NTM: variants seen among roughly 807,000 people sequenced by gnomAD.
NTM encodes IgLON family member 2.
A neutral mutation model predicts 42.1 loss-of-function variants in NTM; 13 were observed. The ratio of observed to expected loss-of-function variants is 0.31; its 90% confidence interval spans 0.20 to 0.49. NTM has a LOEUF of 0.49. NTM is among the 20% of genes least tolerant of loss of function. The probability of loss-of-function intolerance (pLI) is 0.99; values close to 1 mark genes in which losing one functional copy is unlikely to be tolerated. For synonymous variants in NTM, 187 were observed against 179.2 expected (o/e 1.04, Z -0.35); for missense variants, 373 against 452.8 (o/e 0.82, Z 1.60).
chr11:131,863,220 G>T (rs762178212), intron 1 of NTM, among the ~76,000 whole-genome samples: 23 of 152,202 alleles, frequency 1.5e-4, no homozygotes, highest in Non-Finnish European at 3.2e-4. Flanking sequence ...GGGGGAACTG[G>T]TGAAGCCCTG....
At chr11:132,193,403 C>G (rs1269288594) in intron 3 of NTM, among the ~76,000 whole-genome samples, 1 of 151,742 alleles carries the variant, frequency 6.6e-6, no homozygotes, top group African/African-American at 2.4e-5. Flanking sequence ...TCCTGGATGA[C>G]TTTGGGGAAA....
chr11:131,372,825 G>A (rs1591487526), intron 1 of NTM, among the ~76,000 whole-genome samples: 1 of 151,938 alleles, frequency 6.6e-6, no homozygotes, highest in African/African-American at 2.4e-5. Flanking sequence ...ATGCAGGGAA[G>A]CATAATATTT....
At chr11:131,664,906 A>T (rs1362475994) in intron 1 of NTM, among the ~76,000 whole-genome samples, 2 of 152,044 alleles carry the variant, frequency 1.3e-5, no homozygotes, top group African/African-American at 4.8e-5. Flanking sequence ...AGGGACTAGG[A>T]TCACTTGGCA....
intron 1 of NTM, among the ~76,000 whole-genome samples, chr11:131,649,120 G>C (rs1567080): frequency 0.86 from 130,365 of 152,176 alleles, 55,911 homozygotes; most frequent in East Asian, 0.91. Flanking sequence ...ATAATCACTG[G>C]CACTCAAGCC....
chr11:131,942,836 C>T (rs959455746), intron 2 of NTM, among the ~76,000 whole-genome samples: 10 of 151,874 alleles, frequency 6.6e-5, no homozygotes, highest in Non-Finnish European at 1.0e-4. Context: ...ACCCCAGCTA[C>T]TCGGGAGGCT....
At chr11:131,578,295 C>G (rs2058103262) in intron 1 of NTM, among the ~76,000 whole-genome samples, 1 of 152,122 alleles carries the variant, frequency 6.6e-6, no homozygotes, top group Non-Finnish European at 1.5e-5. Context: ...GCAAATTATT[C>G]AAATATAGGT....
intron 1 of NTM, among the ~76,000 whole-genome samples, chr11:131,828,606 C>T (rs1347264478): frequency 6.6e-6 from 1 of 152,056 alleles, no homozygotes; most frequent in Non-Finnish European, 1.5e-5. Flanking sequence ...ATCACCGCCA[C>T]CTTAACCATC....
chr11:131,536,250 G>A (rs2052195968), intron 1 of NTM: 1 of 152,214 alleles, frequency 6.6e-6, no homozygotes, highest in Non-Finnish European at 1.5e-5. Context: ...AGCCTGCTAT[G>A]TGAATGCTGT....
At chr11:131,476,032 GAAGGAAAA>G (rs1952900052) in intron 1 of NTM, among the ~76,000 whole-genome samples, 2 of 152,044 alleles carry the variant, frequency 1.3e-5, no homozygotes, top group African/African-American at 4.8e-5. Flanking sequence ...AGGAGTGAAG[GAAGGAAAA>G]AAGGAAGAAA....
At position 131,789,491 on chromosome 11, in the gene NTM, AGG is replaced by A. The variant is rs202238449; in HGVS notation, c.83-122072_83-122071del. 3.7e-3 allele frequency among the ~76,000 whole-genome samples: 16 copies of A among 4,330 alleles called. 6 individuals carry two copies. The highest frequency in any genetic ancestry group is 8.3e-3 in the African/African-American group (9 of 1,082). The allele number at this position is 4,330 out of a possible 152,430, so 2.8% of individuals were successfully genotyped here. On this transcript the variant is annotated intron_variant, in intron 1 of 8. Coordinates refer to ENST00000683400, the MANE Select transcript of NTM (RefSeq NM_001352005.2). Reference sequence around the variant, plus strand: ...GAAGAAGAAGAAGAAGAAGAAGAAGAGGAAAGAAGAAGAAGAAGAAGAAGAAG... The same window carrying A: ...GAAGAAGAAGAAGAAGAAGAAGAAGAAAAGAAGAAGAAGAAGAAGAAGAAG...
chr11:132,045,413 A>C (rs1464491130), intron 2 of NTM, among the ~76,000 whole-genome samples: 1 of 152,218 alleles, frequency 6.6e-6, no homozygotes, highest in African/African-American at 2.4e-5. Flanking sequence ...CTCTTTAAAA[A>C]TTAATAACAT....
intron 3 of NTM, among the ~76,000 whole-genome samples, chr11:132,204,450 T>C (rs1320868928): frequency 6.6e-6 from 1 of 152,206 alleles, no homozygotes; most frequent in Non-Finnish European, 1.5e-5. Flanking sequence ...TACATTGTAC[T>C]TAGGAGAGGC....
Position 131,445,664 on chromosome 11 carries a change from C to G in NTM, c.82+74776C>G, listed in dbSNP as rs565195630. 4.6e-5 allele frequency among the ~76,000 whole-genome samples: 7 copies of G among 152,308 alleles called. No individual in the cohort carries two copies. In the South Asian group the frequency reaches 1.5e-3, roughly 32 times the overall value. Reference sequence around the variant, plus strand: ...GTGTAAGTGACCAGGACACATGTGACTTGCTTGTTTTTCCAAATGATGAGC... The same window carrying G: ...GTGTAAGTGACCAGGACACATGTGAGTTGCTTGTTTTTCCAAATGATGAGC... On this transcript the variant is annotated intron_variant, in intron 1 of 8. Transcript: ENST00000683400.
intron 7 of NTM, among the ~76,000 whole-genome samples, chr11:132,316,359 T>A (rs1239080660): frequency 1.3e-5 from 2 of 152,168 alleles, no homozygotes; most frequent in Non-Finnish European, 2.9e-5. Context: ...CATGTAGCAA[T>A]TACAATGTCT....
chr11:132,262,234 T>C (rs1591600780), intron 4 of NTM, among the ~76,000 whole-genome samples: 2 of 152,194 alleles, frequency 1.3e-5, no homozygotes, highest in East Asian at 1.9e-4. Flanking sequence ...AGCTGCCTGA[T>C]TTGTCCCCAA....
chr11:132,110,838 C>T (rs573454659), intron 2 of NTM, among the ~76,000 whole-genome samples: 2 of 151,636 alleles, frequency 1.3e-5, no homozygotes, highest in East Asian at 1.9e-4. Context: ...TGTTCGAGAC[C>T]AGCCTGGGCA....
intron 1 of NTM, among the ~76,000 whole-genome samples, chr11:131,783,867 T>G (rs2088637379): frequency 6.6e-6 from 1 of 152,136 alleles, no homozygotes; most frequent in South Asian, 2.1e-4. Flanking sequence ...TGGAAGACAA[T>G]ATTATCAATG....
chr11:132,035,178 T>C (rs1049064435), intron 2 of NTM, among the ~76,000 whole-genome samples: 4 of 152,212 alleles, frequency 2.6e-5, no homozygotes, highest in African/African-American at 9.7e-5. Flanking sequence ...TTTTAATCTA[T>C]AAGAAGCTGT....
At chr11:132,260,681 A>T (rs1011725204) in intron 4 of NTM, among the ~76,000 whole-genome samples, 1 of 152,218 alleles carries the variant, frequency 6.6e-6, no homozygotes, top group African/African-American at 2.4e-5. Context: ...TTTATTCACA[A>T]TCTGGCCAAA....
Sources: allele counts gnomAD v4.1 joint callset (sites outside exome capture counted in the v4.1 genomes callset), GRCh38; gene constraint gnomAD v4.1.1; transcripts MANE v1.5; gene names NCBI Gene and HGNC (gene_info 2026-07-23, HGNC 2026-07-21).